Variants in DNA2 observed in about 807,000 individuals in gnomAD.
The protein encoded by DNA2 is DNA replication helicase/nuclease 2.
Under a neutral mutation model 119.1 loss-of-function variants are expected in DNA2, and 101 were observed. The observed-to-expected ratio is 0.85, with a 90% CI of 0.72 to 1.00. DNA2 has a LOEUF of 1.00. Among genes scored for constraint, DNA2 ranks in the 50% least tolerant of loss-of-function variants. The pLI, the probability that DNA2 is intolerant of heterozygous loss-of-function variation, is 0.00. For synonymous variants in DNA2, 366 were observed against 424.4 expected (o/e 0.86, Z 1.69); for missense variants, 1,121 against 1,255.5 (o/e 0.89, Z 1.62).
intron 19 of DNA2, 40 bp from the exon 20 acceptor site, chr10:68,416,895 A>C: frequency 6.4e-7 from 1 of 1,560,778 alleles, no homozygotes; most frequent in Non-Finnish European, 8.8e-7. Context: ...AGTTCAAAGG[A>C]ATGGTTAAAT....
Position 68,458,963 on chromosome 10 carries a change from T to G in DNA2, c.719+141A>C, listed in dbSNP as rs986313914. The G allele has an allele frequency of 4.3e-6, 3 of 701,152 alleles. No individual in the cohort carries two copies. The African/African-American group carries it at 5.5e-5, about 13-fold the overall frequency. The allele number at this position is 701,152 out of a possible 1,614,324, so 43.4% of individuals were successfully genotyped here. On this transcript the variant is annotated intron_variant, in intron 5 of 20. Coordinates refer to ENST00000358410, the MANE Select transcript of DNA2 (RefSeq NM_001080449.3). ...TTCTTTTTTGTCATGGAAAGATACT[T>G]AGGACCATAATTTATAAAATAAGCA...
At chr10:68,447,516 CAA>C (rs1165549043) in intron 6 of DNA2, among the ~76,000 whole-genome samples, 16 of 54,736 alleles carry the variant, frequency 2.9e-4, no homozygotes, top group African/African-American at 7.5e-4. Context: ...GACTTCACCT[CAA>C]AAAAAAAAAA....
intron 1 of DNA2, among the ~76,000 whole-genome samples, 167 bp downstream of exon 1, chr10:68,471,624 C>G (rs562870763): frequency 3.9e-5 from 6 of 152,288 alleles, no homozygotes; most frequent in Admixed American, 6.5e-5. Context: ...CAAAGAACAC[C>G]TTGGGAGGCA....
chr10:68,444,830 G>T, intron 8 of DNA2, 91 bp downstream of exon 8: 8 of 764,018 alleles, frequency 1.0e-5, no homozygotes, highest in Non-Finnish European at 1.2e-5. Context: ...CTAAAATGAT[G>T]TTATCAATGC....
rs1024527882 is a variant in DNA2, at chr10:68,467,258, G to A, written c.441+865C>T. The stretch of plus-strand genomic sequence containing the variant: ...CTCGAGTAGCTAGGATTACAGGCGC[G>A]CACCACAACGCCCGGCTAATTTTTG... On this transcript the variant is annotated intron_variant, in intron 3 of 20. Transcript: ENST00000358410. Among the ~76,000 whole-genome samples the A allele has an allele frequency of 7.9e-5, 12 of 151,662 alleles. 1 individual carries two copies. The highest frequency in any genetic ancestry group is 2.6e-4 in the Admixed American group (4 of 15,220).
chr10:68,469,961 C>T lies in DNA2; in HGVS notation c.257+20G>A, dbSNP rs1387627784. ...TACCCTTAAGATTCAAATCGGTGCT[C>T]AAAGTCACATAAAAATTACCAGTCA... On this transcript the variant is annotated intron_variant, in intron 2 of 20. Coordinates refer to ENST00000358410, the MANE Select transcript of DNA2 (RefSeq NM_001080449.3). The T allele has an allele frequency of 1.1e-5, 18 of 1,587,536 alleles. No homozygotes were observed. The highest frequency in any genetic ancestry group is 1.5e-5 in the Non-Finnish European group (18 of 1,171,818).
At chr10:68,425,820 C>A (rs1469653722) in intron 14 of DNA2, among the ~76,000 whole-genome samples, 9 of 146,698 alleles carry the variant, frequency 6.1e-5, no homozygotes, top group Admixed American at 2.0e-4. Flanking sequence ...AAAAAAAAAA[C>A]AAAAACCCCA....
chr10:68,435,997 G>A (rs1209160743), intron 10 of DNA2, among the ~76,000 whole-genome samples: 2 of 152,122 alleles, frequency 1.3e-5, no homozygotes, highest in Non-Finnish European at 2.9e-5. Context: ...GGAACATAAT[G>A]TACTAAACAA....
intron 9 of DNA2, among the ~76,000 whole-genome samples, chr10:68,441,247 G>A (rs1212845974): frequency 2.0e-5 from 3 of 148,192 alleles, no homozygotes; most frequent in Non-Finnish European, 4.4e-5. Flanking sequence ...GGAGCACTGT[G>A]AACTTTATCC....
chr10:68,449,993 TA>T, intron 6 of DNA2, 34 bp downstream of exon 6: 1 of 1,305,908 alleles, frequency 7.7e-7, no homozygotes, highest in Non-Finnish European at 1.0e-6. Context: ...AAAAAAAAAG[TA>T]TAAAACAGAC....
At chr10:68,462,363 T>A (rs2052271191) in intron 4 of DNA2, among the ~76,000 whole-genome samples, 1 of 152,222 alleles carries the variant, frequency 6.6e-6, no homozygotes, top group East Asian at 1.9e-4. Flanking sequence ...AGAGCAAGAC[T>A]GTCTCAATAA....
In DNA2 at chr10:68,450,122, A is replaced by G. The variant is rs749245151; in HGVS notation, c.845T>C (p.Val282Ala). Reference protein sequence around the residue: ...LKGKIDVTVGVKIHRGYKTKY... With the variant: ...LKGKIDVTVGAKIHRGYKTKY... The stretch of plus-strand genomic sequence containing the variant: ...TGTTTTATACCCTCGATGTATTTTC[A>G]CACCAACTGTAACATCTATTTTGCC... The change falls in exon 6 of 21, where the codon GTG becomes GCG. Residue 282 changes from valine (V) to alanine (A), a missense_variant. Transcript: ENST00000358410. The G allele has an allele frequency of 1.2e-5, 19 of 1,606,462 alleles. No individual in the cohort carries two copies. Among genetic ancestry groups the G allele is most frequent in the South Asian group, 4.5e-5 (4 of 89,808 alleles).
intron 5 of DNA2, among the ~76,000 whole-genome samples, chr10:68,453,243 A>G (rs1433836853): frequency 2.6e-5 from 4 of 152,124 alleles, no homozygotes; most frequent in Non-Finnish European, 1.5e-5. Context: ...ATTTCTAAGT[A>G]CTACTTTAGC....
chr10:68,421,592 A>G (rs1303530000), intron 17 of DNA2, among the ~76,000 whole-genome samples: 3 of 151,808 alleles, frequency 2.0e-5, no homozygotes, highest in African/African-American at 7.3e-5. Flanking sequence ...TGTCTCTACT[A>G]AAAATACAAA....
In DNA2 at chr10:68,471,773, T is replaced by G. The variant is rs766158735; in HGVS notation, c.74+18A>C. ...AATCTCCCGCTTTGTTCCCACACCC[T>G]CCCCCCTCTCCGCTCACAGCTCCGC... On this transcript the variant is annotated intron_variant, in intron 1 of 20. Transcript: ENST00000358410. The G allele has an allele frequency of 1.9e-6, 3 of 1,582,716 alleles. No individual in the cohort carries two copies. The highest frequency in any genetic ancestry group is 2.2e-5 in the East Asian group (1 of 44,504).
At chr10:68,424,606 A>G in intron 14 of DNA2, 1 of 1,410,102 alleles carries the variant, frequency 7.1e-7, no homozygotes, top group Non-Finnish European at 1.0e-6. Context: ...AAAAACCGCA[A>G]ACGTCACTTC....
intron 5 of DNA2, among the ~76,000 whole-genome samples, chr10:68,458,621 G>C (rs966361203): frequency 2.0e-5 from 3 of 151,910 alleles, no homozygotes; most frequent in Admixed American, 1.3e-4. Flanking sequence ...GGCTGAGGCG[G>C]GTGGATCACC....
At position 68,445,166 on chromosome 10, in the gene DNA2, A is replaced by G. The variant is rs1247784653; in HGVS notation, c.1058-83T>C. The G allele has an allele frequency of 3.9e-6, 5 of 1,280,714 alleles. No homozygotes were observed. In the East Asian group the frequency reaches 1.2e-4, roughly 31 times the overall value. The allele number at this position is 1,280,714 out of a possible 1,614,324, so 79.3% of individuals were successfully genotyped here. A position where few individuals can be genotyped will look rare whatever the true frequency, so the allele number is the denominator to read the frequency against. The stretch of plus-strand genomic sequence containing the variant: ...TTCACTACATATGTAAAACTTGCAG[A>G]TTTAAAAACATTTTAGGGCCGGGCA... On this transcript the variant is annotated intron_variant, in intron 7 of 20. Transcript: ENST00000358410.
chr10:68,417,956 A>G (rs183768699), intron 19 of DNA2, among the ~76,000 whole-genome samples: 16 of 152,344 alleles, frequency 1.1e-4, no homozygotes, highest in African/African-American at 3.8e-4. Flanking sequence ...AGATTAGTCA[A>G]ATTCAGAGAT....
Sources: gnomAD v4.1 joint callset for allele counts (sites outside exome capture counted in the v4.1 genomes callset) on GRCh38, gnomAD v4.1.1 for gene constraint, MANE v1.5 for transcripts, NCBI Gene and HGNC (gene_info 2026-07-23, HGNC 2026-07-21) for gene names.